Variants in DNAI7 observed in about 807,000 individuals in gnomAD.
DNAI7 encodes dynein axonemal intermediate chain 7.
DNAI7 carries 78 observed loss-of-function variants against 86.6 expected under a neutral mutation model. The observed-to-expected ratio is 0.90, with a 90% CI of 0.75 to 1.09. The LOEUF is 1.09. Ranked by LOEUF, DNAI7 falls within the 50% of genes least tolerant of loss-of-function variation. The pLI, the probability that DNAI7 is intolerant of heterozygous loss-of-function variation, is 0.00. For synonymous variants in DNAI7, 274 were observed against 273.0 expected (o/e 1.00, Z -0.04); for missense variants, 753 against 810.2 (o/e 0.93, Z 0.86).
intron 11 of DNAI7, among the ~76,000 whole-genome samples, chr12:25,119,709 G>T (rs961654404): frequency 6.6e-6 from 1 of 152,176 alleles, no homozygotes; most frequent in Non-Finnish European, 1.5e-5. Flanking sequence ...ACCATGCTAA[G>T]GGTGTGTAGG....
At chr12:25,154,810 A>G (rs923528001) in intron 5 of DNAI7, among the ~76,000 whole-genome samples, 3 of 152,200 alleles carry the variant, frequency 2.0e-5, no homozygotes, top group Non-Finnish European at 2.9e-5. Flanking sequence ...AGTTATTACT[A>G]ATGTCTAGTT....
At chr12:25,160,927 A>G (rs1946773917) in intron 3 of DNAI7, 186 bp downstream of exon 3, 1 of 443,086 alleles carries the variant, frequency 2.3e-6, no homozygotes, top group Non-Finnish European at 4.0e-6. Context: ...AATTCAATAT[A>G]TATCTGAAAG....
At chr12:25,143,014 T>C (rs1253632786) in intron 9 of DNAI7, among the ~76,000 whole-genome samples, 1 of 151,030 alleles carries the variant, frequency 6.6e-6, no homozygotes, top group African/African-American at 2.4e-5. Flanking sequence ...AAATTTTTAT[T>C]TTAAAAACTA....
At chr12:25,193,279 G>C (rs983405451) in intron 1 of DNAI7, among the ~76,000 whole-genome samples, 1 of 152,128 alleles carries the variant, frequency 6.6e-6, no homozygotes, top group Non-Finnish European at 1.5e-5. Flanking sequence ...ACTGAATAGG[G>C]TGGGCCCCTA....
intron 15 of DNAI7, among the ~76,000 whole-genome samples, 160 bp downstream of exon 15, chr12:25,109,967 C>G (rs569977183): frequency 6.6e-6 from 1 of 152,292 alleles, no homozygotes. Flanking sequence ...AATGAGCCAC[C>G]GTGCTTGGCC....
At chr12:25,118,680 G>A (rs1163525741) in intron 12 of DNAI7, among the ~76,000 whole-genome samples, 2 of 152,128 alleles carry the variant, frequency 1.3e-5, no homozygotes, top group African/African-American at 4.8e-5. Context: ...TCATGCCTCA[G>A]ACTCCCAAGT....
At chr12:25,130,900 T>A (rs886913935) in intron 9 of DNAI7, among the ~76,000 whole-genome samples, 2 of 152,168 alleles carry the variant, frequency 1.3e-5, no homozygotes, top group African/African-American at 4.8e-5. Context: ...GGCAAACTTC[T>A]TGCTGTACTC....
At chr12:25,128,452 A>C (rs1942435573) in intron 9 of DNAI7, among the ~76,000 whole-genome samples, 1 of 152,184 alleles carries the variant, frequency 6.6e-6, no homozygotes, top group Non-Finnish European at 1.5e-5. Flanking sequence ...GGTCACACAC[A>C]TTGTACCGCT....
chr12:25,165,706 C>G (rs149063128), intron 2 of DNAI7, among the ~76,000 whole-genome samples: 2,201 of 152,282 alleles, frequency 0.014, 22 homozygotes, highest in Middle Eastern at 0.068. Context: ...AAGTCTGTCC[C>G]CCTCTTAATC....
chr12:25,172,983 C>A (rs1948306258), intron 2 of DNAI7, among the ~76,000 whole-genome samples: 1 of 152,000 alleles, frequency 6.6e-6, no homozygotes. Context: ...GACCTAAGAC[C>A]TGAAACTATA....
chr12:25,114,586 C>T, intron 13 of DNAI7, 70 bp downstream of exon 13: 1 of 1,009,054 alleles, frequency 9.9e-7, no homozygotes. Flanking sequence ...TTGCTTTTGA[C>T]AAACTAGTAT....
chr12:25,112,150 T>TG, intron 13 of DNAI7, among the ~76,000 whole-genome samples: 1 of 152,342 alleles, frequency 6.6e-6, no homozygotes, highest in Middle Eastern at 3.4e-3. Context: ...TAACTCTTTT[T>TG]GGGCTTCATC....
At chr12:25,139,367 C>T (rs1001364238) in intron 9 of DNAI7, among the ~76,000 whole-genome samples, 1 of 152,156 alleles carries the variant, frequency 6.6e-6, no homozygotes, top group African/African-American at 2.4e-5. Context: ...TCCACGGAGC[C>T]AGTATCACCC....
At chr12:25,172,287 GTTC>G (rs1437283032) in intron 2 of DNAI7, among the ~76,000 whole-genome samples, 1 of 152,084 alleles carries the variant, frequency 6.6e-6, no homozygotes, top group African/African-American at 2.4e-5. Flanking sequence ...CAACTCAGTA[GTTC>G]TTCTATACAC....
chr12:25,122,717 C>A (rs966318645), intron 10 of DNAI7, among the ~76,000 whole-genome samples: 33 of 152,198 alleles, frequency 2.2e-4, no homozygotes, highest in South Asian at 2.1e-4. Flanking sequence ...TTGTTAATAC[C>A]CAGAAGTGTT....
chr12:25,182,605 T>TACAC (rs71065917), intron 2 of DNAI7, among the ~76,000 whole-genome samples: 2,579 of 132,132 alleles, frequency 0.02, 51 homozygotes, highest in African/African-American at 0.051. Flanking sequence ...TGAGACTGTC[T>TACAC]ACACACACAC....
chr12:25,150,907 C>T (rs1291151929), intron 6 of DNAI7, among the ~76,000 whole-genome samples: 1 of 152,158 alleles, frequency 6.6e-6, no homozygotes, highest in African/African-American at 2.4e-5. Context: ...GCTTACAATG[C>T]ACCAGGAACT....
At chr12:25,167,941 G>A (rs1477562843) in intron 2 of DNAI7, among the ~76,000 whole-genome samples, 2 of 152,030 alleles carry the variant, frequency 1.3e-5, no homozygotes, top group Admixed American at 6.6e-5. Context: ...CCTTCTCGAT[G>A]TTCCTTTACT....
intron 1 of DNAI7, among the ~76,000 whole-genome samples, chr12:25,190,995 C>A (rs1016378918): frequency 6.6e-6 from 1 of 152,106 alleles, no homozygotes; most frequent in African/African-American, 2.4e-5. Flanking sequence ...GTTCAAAGGA[C>A]AATAAATCAT....
Sources: gnomAD v4.1 joint callset for allele counts (sites outside exome capture counted in the v4.1 genomes callset) on GRCh38, gnomAD v4.1.1 for gene constraint, MANE v1.5 for transcripts, NCBI Gene and HGNC (gene_info 2026-07-23, HGNC 2026-07-21) for gene names.